Variants in CCDC152 observed in about 807,000 individuals in gnomAD.
CCDC152 encodes the protein coiled-coil domain containing 152, also known as coiled-coil domain-containing protein 152.
CCDC152 carries 37 observed loss-of-function variants against 38.1 expected under a neutral mutation model. That is an observed-to-expected ratio of 0.97 (90% CI 0.75 to 1.28). The LOEUF (loss-of-function observed/expected upper bound fraction) is 1.28. CCDC152 is among the 50% of genes most tolerant of loss of function. CCDC152 has a pLI of 0.00. For synonymous variants in CCDC152, 83 were observed against 87.1 expected, an observed-to-expected ratio of 0.95 and a Z score of 0.26; for missense variants, 259 against 292.1, an observed-to-expected ratio of 0.89 and a Z score of 0.83.
At chr5:42,758,287 T>C (rs867564538) in intron 1 of CCDC152, among the ~76,000 whole-genome samples, 4 of 152,226 alleles carry the variant, frequency 2.6e-5, no homozygotes, top group Admixed American at 6.5e-5. Context: ...TAAACAATAA[T>C]ATGCCCCCAA....
intron 4 of CCDC152, among the ~76,000 whole-genome samples, chr5:42,771,047 G>A (rs997307464): frequency 3.3e-5 from 5 of 152,166 alleles, no homozygotes; most frequent in South Asian, 4.2e-4. Flanking sequence ...TGTCATCTGC[G>A]AATATGGATA....
intron 4 of CCDC152, among the ~76,000 whole-genome samples, chr5:42,775,137 A>G (rs922187993): frequency 6.0e-4 from 92 of 152,226 alleles, no homozygotes; most frequent in African/African-American, 2.1e-3. Flanking sequence ...TAAAGAAAGA[A>G]AGGAACAGAA....
chr5:42,781,551 GCGCGCA>G (rs3081399), intron 5 of CCDC152, among the ~76,000 whole-genome samples: 25,018 of 147,288 alleles, frequency 0.17, 2,525 homozygotes, highest in Admixed American at 0.26. Context: ...AAATGCGCGC[GCGCGCA>G]CACACACACA....
chr5:42,775,389 A>G (rs1759757538), intron 4 of CCDC152, among the ~76,000 whole-genome samples: 1 of 152,244 alleles, frequency 6.6e-6, no homozygotes, highest in African/African-American at 2.4e-5. Context: ...CTCAGGAACC[A>G]TGCAAACAGT....
chr5:42,800,023 G>T lies in CCDC152; in HGVS notation c.*242G>T. The T allele has an allele frequency of 2.4e-6, 1 of 424,274 alleles. No homozygotes were observed. Among genetic ancestry groups the T allele is most frequent in the Non-Finnish European group, 4.2e-6 (1 of 240,876 alleles). The allele number at this position is 424,274 out of a possible 1,614,324, so 26.3% of individuals were successfully genotyped here. ...TACCTATTAAACCATCATTGACTAT[G>T]GAAATACTTACTAAGCAATATAGAG... On this transcript the variant is annotated 3_prime_UTR_variant, in exon 9 of 9. Transcript: ENST00000361970.
intron 5 of CCDC152, among the ~76,000 whole-genome samples, chr5:42,781,530 C>G (rs1238294750): frequency 1.3e-5 from 2 of 150,466 alleles, no homozygotes; most frequent in Non-Finnish European, 2.9e-5. Context: ...GCTATGAATC[C>G]TCACTGAGAA....
At chr5:42,781,841 C>T (rs1040980018) in intron 5 of CCDC152, among the ~76,000 whole-genome samples, 20 of 152,114 alleles carry the variant, frequency 1.3e-4, no homozygotes, top group Admixed American at 2.0e-4. Context: ...TTTATTATTG[C>T]CTTTTTATTA....
At chr5:42,782,276 CT>C (rs1458535817) in intron 5 of CCDC152, among the ~76,000 whole-genome samples, 4 of 152,256 alleles carry the variant, frequency 2.6e-5, no homozygotes, top group South Asian at 2.1e-4. Context: ...TGAACAGTGC[CT>C]TTTGTTGGCT....
chr5:42,763,404 C>T (rs1038962126), intron 3 of CCDC152, among the ~76,000 whole-genome samples: 1 of 152,128 alleles, frequency 6.6e-6, no homozygotes. Context: ...ATTTTGCCCT[C>T]GAGGAGGAAG....
At position 42,783,558 on chromosome 5, in the gene CCDC152, C is replaced by G; in HGVS notation, c.412C>G (p.Gln138Glu). The change falls in exon 6 of 9, where the codon CAG (glutamine) becomes GAG (glutamate). Residue 138 changes from glutamine (Q) to glutamate (E), a missense_variant. By Grantham distance (29) the Gln-to-Glu change is conservative. Transcript: ENST00000361970. ...GYKKEISKLY[Q>E]DMQRKVELNE... ...TAAGAAAGAAATAAGCAAACTTTAT[C>G]AGGACATGCAGAGAAAAGGTAAGTT... 1 of 1,372,778 alleles carries G rather than the reference C, an allele frequency of 7.3e-7. No individual in the cohort carries two copies. Among genetic ancestry groups the G allele is most frequent in the East Asian group, 3.0e-5 (1 of 33,450 alleles). 85.0% of individuals were successfully genotyped at this position (1,372,778 alleles called of 1,614,324 possible).
rs1486844819 is a variant in CCDC152, at chr5:42,759,144, G to A, written c.23G>A (p.Cys8Tyr). 6.4e-7 allele frequency: 1 copy of A among 1,550,762 alleles called. No homozygotes were observed. Among genetic ancestry groups the A allele is most frequent in the Non-Finnish European group, 8.7e-7 (1 of 1,146,186 alleles). MDQSSEG[C>Y]MKKISSVNLD... Reference sequence around the variant, plus strand: ...GGCATGGACCAAAGCAGTGAAGGATGTATGAAAAAGATTAGCAGTGTGAAT... The same window carrying A: ...GGCATGGACCAAAGCAGTGAAGGATATATGAAAAAGATTAGCAGTGTGAAT... The change falls in exon 2 of 9, where the codon TGT becomes TAT. Residue 8 changes from cysteine (C) to tyrosine (Y), a missense_variant. Physicochemically the swap from Cys to Tyr is radical, Grantham distance 194. Transcript: ENST00000361970.
At chr5:42,778,500 AG>A (rs563019812) in intron 4 of CCDC152, among the ~76,000 whole-genome samples, 29 of 152,326 alleles carry the variant, frequency 1.9e-4, no homozygotes, top group African/African-American at 6.5e-4. Flanking sequence ...CTGGATGTTT[AG>A]TAATCAAAAT....
intron 3 of CCDC152, among the ~76,000 whole-genome samples, chr5:42,764,822 GA>G (rs1466750652): frequency 1.3e-5 from 2 of 152,160 alleles, no homozygotes; most frequent in African/African-American, 2.4e-5. Context: ...GTACCATACT[GA>G]ATGGGGAAAA....
intron 4 of CCDC152, among the ~76,000 whole-genome samples, chr5:42,774,350 T>G (rs760014283): frequency 7.2e-5 from 11 of 152,180 alleles, no homozygotes; most frequent in Non-Finnish European, 1.6e-4. Context: ...ACAGTTAAGA[T>G]ATGAGAAAAA....
chr5:42,768,057 A>G (rs532224943), intron 3 of CCDC152, among the ~76,000 whole-genome samples: 1 of 152,298 alleles, frequency 6.6e-6, no homozygotes, highest in East Asian at 1.9e-4. Flanking sequence ...AAGAGCCACA[A>G]TAGCACCTTA....
intron 2 of CCDC152, among the ~76,000 whole-genome samples, chr5:42,760,818 A>G (rs1018567847): frequency 1.3e-5 from 2 of 152,206 alleles, no homozygotes; most frequent in South Asian, 2.1e-4. Flanking sequence ...TCCTAACATA[A>G]TAAGAGATAA....
intron 6 of CCDC152, among the ~76,000 whole-genome samples, chr5:42,789,782 C>T (rs1351832606): frequency 6.6e-6 from 1 of 151,934 alleles, no homozygotes; most frequent in East Asian, 1.9e-4. Context: ...TGTTGAAAAC[C>T]TTCCTTAATG....
chr5:42,799,631 C>G (rs1289817619), intron 8 of CCDC152, 28 bp from the exon 9 acceptor site: 1 of 1,496,974 alleles, frequency 6.7e-7, no homozygotes, highest in Admixed American at 2.1e-5. Flanking sequence ...TTTCTGAATT[C>G]TAATAACAAA....
At chr5:42,777,018 T>A (rs1168136342) in intron 4 of CCDC152, among the ~76,000 whole-genome samples, 2 of 150,982 alleles carry the variant, frequency 1.3e-5, no homozygotes, top group African/African-American at 2.4e-5. Flanking sequence ...GGAGAACAAA[T>A]TAAATCCAAA....
Sources: allele counts gnomAD v4.1 joint callset (sites outside exome capture counted in the v4.1 genomes callset), GRCh38; gene constraint gnomAD v4.1.1; transcripts MANE v1.5; gene names NCBI Gene and HGNC (gene_info 2026-07-23, HGNC 2026-07-21).